Variants in CCDC3 observed in about 807,000 individuals in gnomAD.
CCDC3 encodes coiled-coil domain-containing protein 3.
A neutral mutation model predicts 21.4 loss-of-function variants in CCDC3; 24 were observed. The ratio of observed to expected loss-of-function variants is 1.12; its 90% CI spans 0.81 to 1.58. The LOEUF (loss-of-function observed/expected upper bound fraction) is 1.58. Ranked by LOEUF, CCDC3 falls within the 40% of genes most tolerant of loss-of-function variation. CCDC3 has a pLI of 0.00. For synonymous variants in CCDC3, 186 were observed against 166.0 expected, an observed-to-expected ratio of 1.12 and a Z score of -0.93; for missense variants, 425 against 360.9, an observed-to-expected ratio of 1.18 and a Z score of -1.44.
At chr10:13,035,191 G>A (rs971038033) in intron 5 of CCDC3, among the ~76,000 whole-genome samples, 1 of 152,058 alleles carries the variant, frequency 6.6e-6, no homozygotes, top group African/African-American at 2.4e-5. Flanking sequence ...GCTTTCCTAG[G>A]TGGAAGCTGC....
intron 2 of CCDC3, among the ~76,000 whole-genome samples, chr10:12,990,706 T>C (rs182652814): frequency 1.3e-5 from 2 of 152,336 alleles, no homozygotes; most frequent in East Asian, 3.9e-4. Flanking sequence ...TTAACAAATA[T>C]GATTTTTATA....
At chr10:13,053,717 C>T (rs1836642354) in intron 4 of CCDC3, among the ~76,000 whole-genome samples, 1 of 152,176 alleles carries the variant, frequency 6.6e-6, no homozygotes, top group Non-Finnish European at 1.5e-5. Context: ...GAGCCTGATG[C>T]TCCATTTGTA....
intron 5 of CCDC3, among the ~76,000 whole-genome samples, chr10:13,021,655 C>G (rs1008392752): frequency 1.6e-4 from 24 of 152,212 alleles, no homozygotes; most frequent in Non-Finnish European, 3.4e-4. Flanking sequence ...TGACTTCCAA[C>G]CTCCCATTAT....
chr10:12,939,959 G>A (rs756160778), intron 2 of CCDC3, among the ~76,000 whole-genome samples: 6 of 152,262 alleles, frequency 3.9e-5, no homozygotes, highest in African/African-American at 7.2e-5. Flanking sequence ...TTCAAAGGTC[G>A]GAGGCCTTTA....
chr10:13,044,253 T>C (rs985930854), intron 5 of CCDC3, among the ~76,000 whole-genome samples: 1 of 152,196 alleles, frequency 6.6e-6, no homozygotes, highest in Non-Finnish European at 1.5e-5. Flanking sequence ...ATTCCGGATA[T>C]TAGGCCTTTG....
At chr10:12,972,427 C>T (rs1331064582) in intron 2 of CCDC3, among the ~76,000 whole-genome samples, 1 of 152,192 alleles carries the variant, frequency 6.6e-6, no homozygotes, top group Non-Finnish European at 1.5e-5. Flanking sequence ...CCATTCTGTG[C>T]TGGAGCTCTG....
In CCDC3 at chr10:13,057,994, C is replaced by G. The variant is rs747038889; in HGVS notation, c.-269-8053G>C. On this transcript the variant is annotated intron_variant, in intron 4 of 6. Coordinates refer to the CCDC3 transcript ENST00000378839. ...CCATCATGTCTGGAGTTACATTGTT[C>G]TTTATATATTGAAAGAACTGTTTCT... 1.9e-5 allele frequency: 13 copies of G among 690,482 alleles called. 1 individual carries two copies. In the Middle Eastern group the frequency reaches 2.5e-3, roughly 133 times the overall value. The allele number at this position is 690,482 out of a possible 1,614,324, so 42.8% of individuals were successfully genotyped here.
rs199996404 is a variant in CCDC3, at chr10:12,920,469, A to G, written c.550-21790T>C. Among the ~76,000 whole-genome samples the G allele has an allele frequency of 2.6e-5, 4 of 152,246 alleles. No individual in the cohort carries two copies. In the South Asian group the frequency reaches 8.3e-4, roughly 32 times the overall value. ...GGGCTGGTTCATGGCTGTGGCAGGGAGCAGTTATTTACCCAGGGCAGAAAG... is the reference window on the plus strand; with the variant it reads ...GGGCTGGTTCATGGCTGTGGCAGGGGGCAGTTATTTACCCAGGGCAGAAAG... On this transcript the variant is annotated intron_variant, in intron 2 of 2. Coordinates refer to ENST00000378825, the MANE Select transcript of CCDC3 (RefSeq NM_031455.4).
At chr10:13,097,908 C>G (rs1345987652) in intron 3 of CCDC3, among the ~76,000 whole-genome samples, 1 of 152,178 alleles carries the variant, frequency 6.6e-6, no homozygotes, top group Non-Finnish European at 1.5e-5. Context: ...ATCAAGGGAT[C>G]TAAATAAAGA....
chr10:13,034,358 GC>G (rs766465958), intron 5 of CCDC3, among the ~76,000 whole-genome samples: 3 of 122,640 alleles, frequency 2.4e-5, no homozygotes, highest in South Asian at 6.2e-4. Context: ...GGGGGGAGGG[GC>G]GAGGGATAGC....
intron 2 of CCDC3, among the ~76,000 whole-genome samples, chr10:12,936,985 T>C (rs1358027599): frequency 6.6e-6 from 1 of 152,216 alleles, no homozygotes; most frequent in African/African-American, 2.4e-5. Context: ...TCCGTTTCCC[T>C]CTTCCTGGCA....
intron 5 of CCDC3, among the ~76,000 whole-genome samples, chr10:13,018,106 A>T (rs1836093825): frequency 6.6e-6 from 1 of 151,636 alleles, no homozygotes; most frequent in Admixed American, 6.6e-5. Context: ...AAAAAAAAAT[A>T]ATAATAAGCC....
Position 12,896,740 on chromosome 10 carries a change from T to G in CCDC3, c.*1676A>C, listed in dbSNP as rs1468040690. 1 of 152,102 alleles carries G rather than the reference T, an allele frequency of 6.6e-6. No individual in the cohort carries two copies. Among genetic ancestry groups the G allele is most frequent in the East Asian group, 1.9e-4 (1 of 5,200 alleles). 9.4% of individuals were successfully genotyped at this position (152,102 alleles called of 1,614,324 possible). On this transcript the variant is annotated 3_prime_UTR_variant, in exon 3 of 3. Transcript: ENST00000378825. ...CTGTACATTACCCTTAGGCTGACCA[T>G]TCCCTTGCGGGGGCGCAAAACTGCT... is the stretch of plus-strand genomic sequence containing the variant.
chr10:12,911,672 A>G (rs573120162), intron 2 of CCDC3, among the ~76,000 whole-genome samples: 1 of 152,342 alleles, frequency 6.6e-6, no homozygotes, highest in Admixed American at 6.5e-5. Flanking sequence ...TTGTAGTGAG[A>G]ACACTTAAAA....
At chr10:12,965,515 C>G (rs1375621073) in intron 2 of CCDC3, among the ~76,000 whole-genome samples, 1 of 152,204 alleles carries the variant, frequency 6.6e-6, no homozygotes, top group Non-Finnish European at 1.5e-5. Flanking sequence ...ACGATTCCTA[C>G]TCCCGATGAT....
At chr10:12,938,333 C>T (rs921168598) in intron 2 of CCDC3, among the ~76,000 whole-genome samples, 7 of 143,370 alleles carry the variant, frequency 4.9e-5, no homozygotes, top group African/African-American at 1.7e-4. Flanking sequence ...GTCCTCTTGT[C>T]ATTGTAGCAA....
At chr10:12,965,162 T>C (rs2580913) in intron 2 of CCDC3, among the ~76,000 whole-genome samples, 151,785 of 152,266 alleles carry the variant, frequency 1, 75,656 homozygotes, top group Middle Eastern at 1. Flanking sequence ...ATTTTCTCTC[T>C]CCTAAATTGC....
intron 3 of CCDC3, among the ~76,000 whole-genome samples, chr10:13,074,370 G>C (rs1836933374): frequency 1.2e-5 from 1 of 80,792 alleles, no homozygotes; most frequent in African/African-American, 4.7e-5. Context: ...TTTTGTAGTA[G>C]AGACGGGGTT....
chr10:12,970,717 C>G (rs1190995459), intron 2 of CCDC3, among the ~76,000 whole-genome samples: 1 of 152,060 alleles, frequency 6.6e-6, no homozygotes, highest in Non-Finnish European at 1.5e-5. Context: ...GAAACCCTGT[C>G]TTTACCAAAA....
Sources: gnomAD v4.1 joint callset for allele counts (sites outside exome capture counted in the v4.1 genomes callset) on GRCh38, gnomAD v4.1.1 for gene constraint, MANE v1.5 for transcripts, NCBI Gene and HGNC (gene_info 2026-07-23, HGNC 2026-07-21) for gene names.